The following MYOM1 variants were observed in gnomAD, a reference collection of about 807,000 sequenced individuals.
The protein encoded by MYOM1 is myomesin 1, also known as myomesin-1.
MYOM1 carries 164 observed loss-of-function variants against 205.3 expected under a neutral mutation model. The observed-to-expected ratio is 0.80, with a 90% CI of 0.70 to 0.91. MYOM1 has a LOEUF of 0.91. Among genes scored for constraint, MYOM1 ranks in the 40% least tolerant of loss-of-function variants. The probability of loss-of-function intolerance (pLI) is 0.00; values close to 1 mark genes in which losing one functional copy is unlikely to be tolerated. For missense variants in MYOM1, 2,011 were observed against 2,127.3 expected (o/e 0.95, Z 1.08); for synonymous variants, 772 against 789.4 (o/e 0.98, Z 0.37).
chr18:3,148,844 CAAAAAAAAAAAAAA>C (rs71159049), intron 13 of MYOM1, among the ~76,000 whole-genome samples: 21 of 47,934 alleles, frequency 4.4e-4, no homozygotes, highest in Non-Finnish European at 4.9e-4. Context: ...AGACTCCATC[CAAAAAAAAAAAAAA>C]AAAAAAAAAA....
At chr18:3,102,380 C>T in intron 23 of MYOM1, 94 bp downstream of exon 23, 2 of 1,225,912 alleles carry the variant, frequency 1.6e-6, no homozygotes, top group Non-Finnish European at 2.3e-6. Flanking sequence ...TGACTTCATC[C>T]TCTTATTCCA....
At chr18:3,142,275 G>A (rs1270227770) in intron 13 of MYOM1, among the ~76,000 whole-genome samples, 1 of 151,318 alleles carries the variant, frequency 6.6e-6, no homozygotes, top group Non-Finnish European at 1.5e-5. Context: ...GTTTTTTTTG[G>A]AGGGGGGGAA....
intron 16 of MYOM1, 23 bp from the exon 17 acceptor site, chr18:3,131,519 A>C (rs771008470): frequency 8.7e-6 from 14 of 1,606,288 alleles, no homozygotes; most frequent in Non-Finnish European, 1.2e-5. Flanking sequence ...CAAGTTTTAA[A>C]AAATTTTCCT....
At position 3,151,846 on chromosome 18, in the gene MYOM1, A is replaced by C; in HGVS notation, c.1691T>G (p.Val564Gly). Residue 564 changes from valine to glycine, a missense_variant, in exon 12 of 38, where the codon GTG becomes GGG. By Grantham distance (109) the Val-to-Gly change is moderately radical (BLOSUM62 -3). Transcript: ENST00000356443. ...DSWSQCNDTP[V>G]KFARFPVTGL... The stretch of plus-strand genomic sequence containing the variant: ...AGTGACAGGAAAACGAGCAAACTTC[A>C]CAGGTGTGTCATTGCACTGCGACCA... The C allele has an allele frequency of 6.2e-7, 1 of 1,613,654 alleles. No individual in the cohort carries two copies. Among genetic ancestry groups the C allele is most frequent in the Non-Finnish European group, 8.5e-7 (1 of 1,179,616 alleles).
chr18:3,183,632 T>C (rs550450905), intron 5 of MYOM1, among the ~76,000 whole-genome samples: 4 of 152,280 alleles, frequency 2.6e-5, no homozygotes, highest in African/African-American at 9.6e-5. Flanking sequence ...ATATGAAGCA[T>C]CATCACAAAT....
At chr18:3,198,271 A>T (rs1169863956) in intron 2 of MYOM1, among the ~76,000 whole-genome samples, 2 of 152,178 alleles carry the variant, frequency 1.3e-5, no homozygotes, top group Non-Finnish European at 2.9e-5. Flanking sequence ...AGCACGTTTC[A>T]GAGAAAGGAT....
Position 3,205,604 on chromosome 18 carries a change from A to G in MYOM1, c.290+9330T>C, listed in dbSNP as rs376463563. On this transcript the variant is annotated intron_variant, in intron 2 of 37. Transcript: ENST00000356443. ...AGGATGTGGATAAACTAGAATCCCC[A>G]TACATTTTTGTGGGAAGGTAAAACA... 2.0e-5 allele frequency among the ~76,000 whole-genome samples: 3 copies of G among 152,212 alleles called. No homozygotes were observed. In the East Asian group the frequency reaches 5.8e-4, roughly 29 times the overall value.
At chr18:3,227,762 T>C in the MYOM1 span, among the ~76,000 whole-genome samples, 3 of 151,986 alleles carry the variant, frequency 2.0e-5, no homozygotes, top group Middle Eastern at 3.2e-3. Flanking sequence ...GAGGTTGCAG[T>C]GAGCCATCGA....
At chr18:3,169,071 G>GAAA in intron 8 of MYOM1, 90 bp from the exon 9 acceptor site, 4 of 725,074 alleles carry the variant, frequency 5.5e-6, no homozygotes, top group South Asian at 2.5e-5. Context: ...AGCAGTCACA[G>GAAA]CAAAAAAAAA....
chr18:3,067,056 T>C lies in MYOM1; in HGVS notation c.*206A>G. 1 of 595,574 alleles carries C rather than the reference T, an allele frequency of 1.7e-6. No individual in the cohort carries two copies. The allele number at this position is 595,574 out of a possible 1,614,324, so 36.9% of individuals were successfully genotyped here. A position where few individuals can be genotyped will look rare whatever the true frequency, so the allele number is the denominator to read the frequency against. On this transcript the variant is annotated 3_prime_UTR_variant, in exon 38 of 38. Transcript: ENST00000356443. The stretch of plus-strand genomic sequence containing the variant: ...CCTAATCTTCATGCTATGAATGGTA[T>C]TTTCTTAACACATAATTTTGTAGAT...
chr18:3,114,394 T>C (rs1290689389), intron 21 of MYOM1, among the ~76,000 whole-genome samples: 2 of 119,014 alleles, frequency 1.7e-5, no homozygotes, highest in African/African-American at 3.0e-5. Flanking sequence ...TTTTTTTTTT[T>C]CGAGACAGAG....
chr18:3,194,946 C>T (rs191218808), intron 2 of MYOM1, among the ~76,000 whole-genome samples: 3 of 152,108 alleles, frequency 2.0e-5, no homozygotes, highest in African/African-American at 7.2e-5. Flanking sequence ...TAAGAGCCCC[C>T]GTCTAGAGAA....
chr18:3,196,141 T>C (rs978485124), intron 2 of MYOM1, among the ~76,000 whole-genome samples: 1 of 152,206 alleles, frequency 6.6e-6, no homozygotes, highest in Non-Finnish European at 1.5e-5. Flanking sequence ...AAGACGTTTA[T>C]GTATTGAGGC....
chr18:3,227,509 G>C, the MYOM1 span, among the ~76,000 whole-genome samples: 2 of 152,066 alleles, frequency 1.3e-5, no homozygotes. Context: ...TTCAACATGG[G>C]ATGATTAAAA....
chr18:3,162,899 G>A (rs1019372372), intron 10 of MYOM1, among the ~76,000 whole-genome samples: 4 of 152,116 alleles, frequency 2.6e-5, no homozygotes, highest in South Asian at 4.2e-4. Flanking sequence ...GGTGGTGGGC[G>A]CCTGTAGTCC....
chr18:3,073,764 G>T (rs992372992), intron 36 of MYOM1, among the ~76,000 whole-genome samples: 13 of 152,224 alleles, frequency 8.5e-5, no homozygotes, highest in Non-Finnish European at 1.8e-4. Flanking sequence ...GGATCCACCA[G>T]GAATTTGCAC....
chr18:3,101,703 T>C (rs1285315316), intron 23 of MYOM1, among the ~76,000 whole-genome samples: 3 of 152,252 alleles, frequency 2.0e-5, no homozygotes, highest in Non-Finnish European at 4.4e-5. Flanking sequence ...TCCTTATTGT[T>C]ACTTTAAGAT....
intron 10 of MYOM1, among the ~76,000 whole-genome samples, chr18:3,162,011 AC>A (rs1304290261): frequency 2.0e-5 from 3 of 152,132 alleles, no homozygotes; most frequent in African/African-American, 7.2e-5. Context: ...CTAATCATAG[AC>A]CTTTTGGAAG....
chr18:3,078,808 G>T (rs1314592714), intron 34 of MYOM1, among the ~76,000 whole-genome samples: 2 of 151,748 alleles, frequency 1.3e-5, no homozygotes, highest in Non-Finnish European at 2.9e-5. Context: ...TATTTTTTTT[G>T]ACTTTTTGCT....
Sources: gnomAD v4.1 joint callset for allele counts (sites outside exome capture counted in the v4.1 genomes callset) on GRCh38, gnomAD v4.1.1 for gene constraint, MANE v1.5 for transcripts, NCBI Gene and HGNC (gene_info 2026-07-23, HGNC 2026-07-21) for gene names.